The following PRKD1 variants were observed in gnomAD, a reference collection of about 807,000 sequenced individuals.
PRKD1 encodes the protein serine/threonine-protein kinase D1.
In PRKD1, 63 loss-of-function variants were observed where a neutral mutation model predicts 95.9. The ratio of observed to expected loss-of-function variants is 0.66; its 90% CI spans 0.54 to 0.81. PRKD1 has a LOEUF of 0.81. Ranked by LOEUF, PRKD1 falls within the 30% of genes least tolerant of loss-of-function variation. The pLI, the probability that PRKD1 is intolerant of heterozygous loss-of-function variation, is 0.00. For missense variants in PRKD1, 1,048 were observed against 1,165.3 expected, an observed-to-expected ratio of 0.90 and a Z score of 1.47; for synonymous variants, 425 against 423.1, an observed-to-expected ratio of 1.00 and a Z score of -0.05.
intron 4 of PRKD1, among the ~76,000 whole-genome samples, chr14:29,642,318 A>G (rs1370473297): frequency 6.6e-6 from 1 of 152,250 alleles, no homozygotes; most frequent in African/African-American, 2.4e-5. Flanking sequence ...GCAAAAATAT[A>G]AAATTCCAAT....
chr14:29,818,468 T>G (rs956761641), intron 1 of PRKD1, among the ~76,000 whole-genome samples: 6 of 152,212 alleles, frequency 3.9e-5, no homozygotes. Flanking sequence ...TAAGTACCTG[T>G]AGTCAAAATT....
chr14:29,905,213 A>G (rs1185711726), intron 1 of PRKD1, among the ~76,000 whole-genome samples: 1 of 152,188 alleles, frequency 6.6e-6, no homozygotes, highest in Non-Finnish European at 1.5e-5. Flanking sequence ...ATGAAAGAGA[A>G]GTCAGACACA....
At chr14:29,773,685 A>G (rs1314268354) in intron 1 of PRKD1, among the ~76,000 whole-genome samples, 2 of 152,192 alleles carry the variant, frequency 1.3e-5, no homozygotes, top group Non-Finnish European at 2.9e-5. Flanking sequence ...GAACACAGCA[A>G]TTTAATCCAA....
chr14:29,644,623 A>G (rs1881007730), intron 4 of PRKD1, among the ~76,000 whole-genome samples: 1 of 152,124 alleles, frequency 6.6e-6, no homozygotes, highest in South Asian at 2.1e-4. Context: ...GTGCCAGTCA[A>G]TTTATCTGGG....
chr14:29,828,727 T>C (rs935259889), intron 1 of PRKD1, among the ~76,000 whole-genome samples: 2 of 152,110 alleles, frequency 1.3e-5, no homozygotes, highest in Non-Finnish European at 2.9e-5. Flanking sequence ...TAATCAGAGA[T>C]TGGTCCAACA....
chr14:29,709,986 C>T (rs1167108722), intron 2 of PRKD1, among the ~76,000 whole-genome samples: 1 of 151,702 alleles, frequency 6.6e-6, no homozygotes, highest in Admixed American at 6.6e-5. Flanking sequence ...CACTAGTGTT[C>T]AATTACTTCT....
chr14:29,659,934 CTTAGTT>C (rs1233427507), intron 4 of PRKD1, among the ~76,000 whole-genome samples: 1 of 152,120 alleles, frequency 6.6e-6, no homozygotes, highest in Admixed American at 6.6e-5. Context: ...AAAATAATTT[CTTAGTT>C]TTAATGATGC....
At chr14:29,750,505 T>C (rs566475089) in intron 1 of PRKD1, among the ~76,000 whole-genome samples, 1 of 152,008 alleles carries the variant, frequency 6.6e-6, no homozygotes, top group East Asian at 1.9e-4. Flanking sequence ...ATCTACCCAG[T>C]TTTTCCAGTT....
At chr14:29,855,901 G>A (rs756640137) in intron 1 of PRKD1, among the ~76,000 whole-genome samples, 2 of 152,138 alleles carry the variant, frequency 1.3e-5, no homozygotes, top group Non-Finnish European at 2.9e-5. Context: ...CACCATGATT[G>A]TGAGGCCTCT....
At chr14:29,617,741 A>G (rs763786205) in intron 13 of PRKD1, among the ~76,000 whole-genome samples, 14 of 152,120 alleles carry the variant, frequency 9.2e-5, no homozygotes, top group Non-Finnish European at 1.5e-4. Flanking sequence ...TACATTAAAT[A>G]TATCATACTA....
chr14:29,711,325 C>A (rs1005620101), intron 2 of PRKD1, among the ~76,000 whole-genome samples: 5 of 151,966 alleles, frequency 3.3e-5, no homozygotes, highest in Non-Finnish European at 5.9e-5. Flanking sequence ...ACTTTAGAAA[C>A]CTAAGAATAC....
intron 1 of PRKD1, among the ~76,000 whole-genome samples, chr14:29,796,428 C>G (rs1889818432): frequency 6.6e-6 from 1 of 152,072 alleles, no homozygotes; most frequent in African/African-American, 2.4e-5. Context: ...CCTAAAAATT[C>G]CTATAGTTCC....
intron 13 of PRKD1, among the ~76,000 whole-genome samples, chr14:29,616,036 G>C (rs1185472349): frequency 6.6e-6 from 1 of 152,050 alleles, no homozygotes; most frequent in Non-Finnish European, 1.5e-5. Flanking sequence ...TGGCCTAAGA[G>C]ATGACAGGTG....
chr14:29,581,739 T>C (rs548388692), intron 16 of PRKD1, among the ~76,000 whole-genome samples: 40 of 152,364 alleles, frequency 2.6e-4, no homozygotes, highest in African/African-American at 7.5e-4. Context: ...TGTGTATGTG[T>C]ATGTACATCT....
In PRKD1 at chr14:29,664,839, G is replaced by A. The variant is rs143966049; in HGVS notation, c.536-980C>T. On this transcript the variant is annotated intron_variant, in intron 3 of 17. Coordinates refer to ENST00000331968, the MANE Select transcript of PRKD1 (RefSeq NM_002742.3). ...AAAATTATGTTGTTGGTGCAGAAAT[G>A]CAGATACATGTTCCAGCTCGCGACT... Among the ~76,000 whole-genome samples, 53 of 152,308 alleles carry A rather than the reference G, an allele frequency of 3.5e-4. No homozygotes were observed. The East Asian group carries it at 8.7e-3, about 25-fold the overall frequency.
intron 1 of PRKD1, among the ~76,000 whole-genome samples, chr14:29,920,627 A>C (rs1225314451): frequency 7.9e-6 from 1 of 127,200 alleles, no homozygotes. Flanking sequence ...CACACACACA[A>C]AGTTTCATAT....
chr14:29,587,060 GGAGAA>G (rs1262496345), intron 16 of PRKD1, among the ~76,000 whole-genome samples: 1 of 152,196 alleles, frequency 6.6e-6, no homozygotes, highest in Non-Finnish European at 1.5e-5. Flanking sequence ...GACTTGTGCA[GGAGAA>G]GAGAAGGCTG....
chr14:29,695,253 GGACTACCAATTGATATATCTGTGAAT>G (rs1379796548), intron 2 of PRKD1, among the ~76,000 whole-genome samples: 1 of 147,390 alleles, frequency 6.8e-6, no homozygotes, highest in Non-Finnish European at 1.5e-5. Flanking sequence ...AAAAAAAAAA[GGACTACCAATTGATATATCTGTGAAT>G]GAGGTGGAAA....
intron 1 of PRKD1, among the ~76,000 whole-genome samples, chr14:29,821,449 A>C (rs1890907898): frequency 6.6e-6 from 1 of 152,078 alleles, no homozygotes; most frequent in Admixed American, 6.5e-5. Flanking sequence ...CTAGATCCTG[A>C]CTATGATATT....
Sources: gnomAD v4.1 joint callset for allele counts (sites outside exome capture counted in the v4.1 genomes callset) on GRCh38, gnomAD v4.1.1 for gene constraint, MANE v1.5 for transcripts, NCBI Gene and HGNC (gene_info 2026-07-23, HGNC 2026-07-21) for gene names.